Variants in TANGO6 observed in about 807,000 individuals in gnomAD.
TANGO6 encodes the protein transport and Golgi organization protein 6 homolog.
Under a neutral mutation model 114.2 loss-of-function variants are expected in TANGO6, and 90 were observed. The ratio of observed to expected loss-of-function variants is 0.79; its 90% confidence interval spans 0.66 to 0.94. The LOEUF (loss-of-function observed/expected upper bound fraction) is 0.94, where lower values mean the gene tolerates loss of function less well. Ranked by LOEUF, TANGO6 falls within the 40% of genes least tolerant of loss-of-function variation. The pLI, the probability that TANGO6 is intolerant of heterozygous loss-of-function variation, is 0.00. For synonymous variants in TANGO6, 477 were observed against 509.8 expected (o/e 0.94, Z 0.87); for missense variants, 1,274 against 1,315.3 (o/e 0.97, Z 0.49).
chr16:68,864,968 T>C (rs1209790146), intron 3 of TANGO6, among the ~76,000 whole-genome samples: 1 of 152,090 alleles, frequency 6.6e-6, no homozygotes, highest in East Asian at 1.9e-4. Context: ...GTTACTAATT[T>C]TGAGGCTTAC....
chr16:68,971,623 C>T (rs929707073), intron 14 of TANGO6, among the ~76,000 whole-genome samples: 2 of 151,290 alleles, frequency 1.3e-5, no homozygotes, highest in African/African-American at 4.8e-5. Flanking sequence ...AGGCCTCAGA[C>T]ATTTTTTTCT....
chr16:69,038,542 A>T (rs1401872168), intron 16 of TANGO6, among the ~76,000 whole-genome samples: 1 of 152,046 alleles, frequency 6.6e-6, no homozygotes, highest in African/African-American at 2.4e-5. Context: ...TAAAGCTTAC[A>T]TGAATGCCTC....
At chr16:68,923,284 A>G (rs112279057) in intron 12 of TANGO6, among the ~76,000 whole-genome samples, 5 of 151,926 alleles carry the variant, frequency 3.3e-5, no homozygotes, top group Admixed American at 1.3e-4. Context: ...TTGATCAAAG[A>G]CCATTGCTCA....
intron 15 of TANGO6, among the ~76,000 whole-genome samples, chr16:68,991,129 G>T (rs771656297): frequency 1.1e-4 from 16 of 152,214 alleles, no homozygotes; most frequent in Non-Finnish European, 1.6e-4. Flanking sequence ...TGTTGAGGCT[G>T]TGTTGGGTAC....
intron 5 of TANGO6, 75 bp downstream of exon 5, chr16:68,875,365 C>T: frequency 6.6e-7 from 1 of 1,516,144 alleles, no homozygotes; most frequent in Non-Finnish European, 9.0e-7. Context: ...TAATGTTCCT[C>T]TAGTATTGAG....
chr16:69,037,131 A>C (rs1375214485), intron 16 of TANGO6, among the ~76,000 whole-genome samples: 4 of 141,954 alleles, frequency 2.8e-5, no homozygotes, highest in Non-Finnish European at 4.6e-5. Context: ...GTGAGAGTCC[A>C]TCTCAAAAAA....
chr16:68,910,437 T>A (rs1481855363), intron 11 of TANGO6, among the ~76,000 whole-genome samples: 1 of 152,188 alleles, frequency 6.6e-6, no homozygotes, highest in Non-Finnish European at 1.5e-5. Context: ...TATGTTTTTG[T>A]CTCAGGATGC....
At chr16:68,935,157 G>A (rs909689417) in intron 14 of TANGO6, among the ~76,000 whole-genome samples, 3 of 152,190 alleles carry the variant, frequency 2.0e-5, no homozygotes, top group African/African-American at 7.2e-5. Context: ...AAGCACTACA[G>A]GAACAAAGCC....
chr16:68,874,130 T>C (rs915157187), intron 4 of TANGO6, among the ~76,000 whole-genome samples: 1 of 152,206 alleles, frequency 6.6e-6, no homozygotes, highest in African/African-American at 2.4e-5. Flanking sequence ...TGTATCATAC[T>C]CTACCAAAGA....
intron 14 of TANGO6, among the ~76,000 whole-genome samples, chr16:68,946,367 T>G (rs533619731): frequency 6.6e-6 from 1 of 152,180 alleles, no homozygotes; most frequent in East Asian, 1.9e-4. Flanking sequence ...AATTTTTTTG[T>G]ATTTTTTAAG....
intron 14 of TANGO6, chr16:68,973,765 G>T: frequency 2.1e-6 from 1 of 473,286 alleles, no homozygotes; most frequent in Non-Finnish European, 3.8e-6. Flanking sequence ...AGGAGGCATT[G>T]CCTGGATCAT....
At position 68,909,206 on chromosome 16, in the gene TANGO6, T is replaced by C. The variant is rs778610178; in HGVS notation, c.1801-5T>C. The stretch of plus-strand genomic sequence containing the variant: ...TTCACTTTTTCTTTCCTGCCATGCT[T>C]GTAGGAGTTGACTCATGTGGCCTCG... On this transcript the variant is annotated splice_polypyrimidine_tract_variant and splice_region_variant and intron_variant, in intron 10 of 17. Coordinates refer to ENST00000261778, the MANE Select transcript of TANGO6 (RefSeq NM_024562.2). The C allele has an allele frequency of 6.5e-7, 1 of 1,530,928 alleles. No homozygotes were observed. The highest frequency in any genetic ancestry group is 8.8e-7 in the Non-Finnish European group (1 of 1,133,254). 94.8% of individuals were successfully genotyped at this position (1,530,928 alleles called of 1,614,324 possible).
intron 1 of TANGO6, among the ~76,000 whole-genome samples, chr16:68,852,838 GAAAAAGAA>G (rs903808822): frequency 4.0e-5 from 6 of 150,186 alleles, no homozygotes; most frequent in African/African-American, 1.5e-4. Flanking sequence ...GTCTCAAAAA[GAAAAAGAA>G]AAAAAGAAAA....
At chr16:68,977,846 C>G (rs557096128) in intron 15 of TANGO6, among the ~76,000 whole-genome samples, 1 of 151,638 alleles carries the variant, frequency 6.6e-6, no homozygotes, top group African/African-American at 2.4e-5. Flanking sequence ...CCACCACGCC[C>G]GGCTAATTTT....
chr16:69,004,265 C>T (rs1952450259), intron 15 of TANGO6, among the ~76,000 whole-genome samples: 1 of 152,012 alleles, frequency 6.6e-6, no homozygotes, highest in African/African-American at 2.4e-5. Flanking sequence ...CATAAAGATC[C>T]AATAGCTTTT....
At chr16:69,041,175 G>A (rs979097369) in intron 17 of TANGO6, among the ~76,000 whole-genome samples, 2 of 152,028 alleles carry the variant, frequency 1.3e-5, no homozygotes, top group East Asian at 1.9e-4. Context: ...GGCCAGGCTC[G>A]GTGGCTCATG....
chr16:68,991,365 C>T (rs1214283528), intron 15 of TANGO6, among the ~76,000 whole-genome samples: 1 of 152,002 alleles, frequency 6.6e-6, no homozygotes, highest in Admixed American at 6.5e-5. Context: ...CCTGTAATAC[C>T]AGCACTTAGG....
At chr16:68,969,651 C>G (rs527752143) in intron 14 of TANGO6, among the ~76,000 whole-genome samples, 7 of 150,416 alleles carry the variant, frequency 4.7e-5, no homozygotes, top group Admixed American at 4.0e-4. Context: ...GAACTAAAAG[C>G]TCCCTAATGA....
chr16:68,879,209 G>A (rs916245844), intron 6 of TANGO6, among the ~76,000 whole-genome samples: 1 of 151,672 alleles, frequency 6.6e-6, no homozygotes, highest in African/African-American at 2.4e-5. Flanking sequence ...GGGCTCAAGC[G>A]ATCTTCCTGC....
Sources: allele counts gnomAD v4.1 joint callset (sites outside exome capture counted in the v4.1 genomes callset), GRCh38; gene constraint gnomAD v4.1.1; transcripts MANE v1.5; gene names NCBI Gene and HGNC (gene_info 2026-07-23, HGNC 2026-07-21).